The following IL24 variants were observed in gnomAD, a reference collection of about 807,000 sequenced individuals.
IL24 encodes the protein interleukin 24.
Under a neutral mutation model 27.6 loss-of-function variants are expected in IL24, and 24 were observed. That is an observed-to-expected ratio of 0.87 (90% CI 0.63 to 1.22). The LOEUF is 1.22. Among genes scored for constraint, IL24 ranks in the 50% most tolerant of loss-of-function variants. IL24 has a pLI of 0.00. For missense variants in IL24, 240 were observed against 237.0 expected (o/e 1.01, Z -0.08); for synonymous variants, 99 against 93.1 (o/e 1.06, Z -0.36).
rs779973016 is a variant in IL24, at chr1:206,903,033, T to G, written c.595T>G (p.Trp199Gly). 1 of 1,614,194 alleles carries G rather than the reference T, an allele frequency of 6.2e-7. No individual in the cohort carries two copies. Among genetic ancestry groups the G allele is most frequent in the Non-Finnish European group, 8.5e-7 (1 of 1,179,988 alleles). The change falls in exon 7 of 7, where the codon TGG becomes GGG. Residue 199 changes from tryptophan (W) to glycine (G), a missense_variant. Trp to Gly is a radical substitution (Grantham distance 184). Coordinates refer to ENST00000294984, the MANE Select transcript of IL24 (RefSeq NM_006850.3). ...ALGEVDILLT[W>G]MQKFYKL ...TGGGGAAGTGGACATTCTTCTGACC[T>G]GGATGCAGAAATTCTACAAGCTCTG...
At chr1:206,902,906 C>A in intron 6 of IL24, 70 bp from the exon 7 acceptor site, 1 of 1,611,718 alleles carries the variant, frequency 6.2e-7, no homozygotes, top group South Asian at 1.1e-5. Context: ...CTATTTTAGG[C>A]ATGGCAGGTT....
chr1:206,897,925 G>C (rs1218127788), intron 2 of IL24, 49 bp downstream of exon 2: 2 of 1,281,786 alleles, frequency 1.6e-6, no homozygotes, highest in Non-Finnish European at 2.2e-6. Flanking sequence ...GGCTGAGGTG[G>C]GCAGATCATT....
intron 6 of IL24, 131 bp downstream of exon 6, chr1:206,902,203 T>G: frequency 6.3e-6 from 9 of 1,430,040 alleles, no homozygotes; most frequent in Non-Finnish European, 8.2e-6. Context: ...CAAAGCCCCC[T>G]GACTTAGCAG....
intron 5 of IL24, 72 bp from the exon 6 acceptor site, chr1:206,901,926 G>T: frequency 6.7e-7 from 1 of 1,488,142 alleles, no homozygotes. Flanking sequence ...GGCATCAGCA[G>T]GAAAACTGAG....
chr1:206,903,043 A>G lies in IL24; in HGVS notation c.605A>G (p.Lys202Arg). 6.2e-7 allele frequency: 1 copy of G among 1,614,068 alleles called. No homozygotes were observed. Among genetic ancestry groups the G allele is most frequent in the Non-Finnish European group, 8.5e-7 (1 of 1,179,916 alleles). The stretch of plus-strand genomic sequence containing the variant: ...GACATTCTTCTGACCTGGATGCAGA[A>G]ATTCTACAAGCTCTGAATGTCTAGA... ...EVDILLTWMQ[K>R]FYKL The change falls in exon 7 of 7, where the codon AAA (lysine) becomes AGA (arginine). Residue 202 changes from lysine (K) to arginine (R), a missense_variant. Physicochemically the swap from Lys to Arg is conservative, Grantham distance 26. Coordinates refer to ENST00000294984, the MANE Select transcript of IL24 (RefSeq NM_006850.3).
intron 6 of IL24, 91 bp downstream of exon 6, chr1:206,902,163 G>A: frequency 6.4e-7 from 1 of 1,569,844 alleles, no homozygotes; most frequent in East Asian, 2.3e-5. Flanking sequence ...AATGCAGAAT[G>A]TAATGCAGGG....
At chr1:206,901,851 T>C in intron 5 of IL24, 147 bp from the exon 6 acceptor site, 1 of 875,446 alleles carries the variant, frequency 1.1e-6, no homozygotes, top group Non-Finnish European at 1.8e-6. Flanking sequence ...GGTGGGAGTT[T>C]GGTATTGGTT....
Position 206,903,022 on chromosome 1 carries a change from T to G in IL24, c.584T>G (p.Ile195Ser). 1 of 1,614,186 alleles carries G rather than the reference T, an allele frequency of 6.2e-7. No individual in the cohort carries two copies. Among genetic ancestry groups the G allele is most frequent in the Non-Finnish European group, 8.5e-7 (1 of 1,180,006 alleles). The change falls in exon 7 of 7, where the codon ATT (isoleucine) becomes AGT (serine). Residue 195 changes from isoleucine (I) to serine (S), a missense_variant. Coordinates refer to ENST00000294984, the MANE Select transcript of IL24 (RefSeq NM_006850.3). ...ACCAAAGCCCTTGGGGAAGTGGACATTCTTCTGACCTGGATGCAGAAATTC... is the reference window on the plus strand; with the variant it reads ...ACCAAAGCCCTTGGGGAAGTGGACAGTCTTCTGACCTGGATGCAGAAATTC... ...ALTKALGEVDILLTWMQKFYK... is the reference protein window; with the variant it reads ...ALTKALGEVDSLLTWMQKFYK...
At chr1:206,898,164 C>CAAAAAAA (rs59175256) in intron 2 of IL24, among the ~76,000 whole-genome samples, 1 of 100,028 alleles carries the variant, frequency 1.0e-5, no homozygotes, top group African/African-American at 3.8e-5. Flanking sequence ...GAAATTCTGT[C>CAAAAAAA]AAAAAAAAAA....
chr1:206,902,368 G>C, intron 6 of IL24: 1 of 985,354 alleles, frequency 1.0e-6, no homozygotes, highest in Non-Finnish European at 1.2e-6. Context: ...ACTGAAGTCA[G>C]AAGAGAGGGA....
intron 2 of IL24, 49 bp from the exon 3 acceptor site, chr1:206,899,270 CT>C: frequency 6.3e-7 from 1 of 1,583,744 alleles, no homozygotes; most frequent in Non-Finnish European, 8.6e-7. Context: ...GGGCATGTAA[CT>C]CTGGGTCAGA....
intron 6 of IL24, 65 bp from the exon 7 acceptor site, chr1:206,902,911 C>G (rs541585286): frequency 4.3e-6 from 7 of 1,612,044 alleles, no homozygotes; most frequent in Non-Finnish European, 5.9e-6. Context: ...TTAGGCATGG[C>G]AGGTTGGAAG....
chr1:206,899,286 C>T (rs768555453), intron 2 of IL24, 34 bp from the exon 3 acceptor site: 58 of 1,603,878 alleles, frequency 3.6e-5, no homozygotes, highest in South Asian at 7.8e-5. Flanking sequence ...GTCAGAGGGC[C>T]GGCCTCACAG....
chr1:206,902,101 T>A (rs748012828), intron 6 of IL24, 29 bp downstream of exon 6: 1 of 1,613,434 alleles, frequency 6.2e-7, no homozygotes, highest in Non-Finnish European at 8.5e-7. Context: ...AGCTTGCCCA[T>A]CCAGCAGAAT....
Position 206,903,727 on chromosome 1 carries a change from C to CT in IL24, c.*678dup, listed in dbSNP as rs377617111. 2.7e-4 allele frequency: 40 copies of CT among 149,170 alleles called. 1 individual carries two copies. In the East Asian group the frequency reaches 3.6e-3, roughly 14 times the overall value. The allele number at this position is 149,170 out of a possible 1,614,324, so 9.2% of individuals were successfully genotyped here. ...ATCATCCCTTTCCCTTGGTGCCCTC[C>CT]TTTTTTTTTTATCCTAGTCATTCTT... On this transcript the variant is annotated 3_prime_UTR_variant, in exon 7 of 7. Transcript: ENST00000294984.
chr1:206,898,554 A>C (rs1356754967), intron 2 of IL24, among the ~76,000 whole-genome samples: 2 of 152,142 alleles, frequency 1.3e-5, no homozygotes. Context: ...AATTCTCTGC[A>C]TCAGTTATAA....
chr1:206,897,904 G>T (rs3790615), intron 2 of IL24, 28 bp downstream of exon 2: 1 of 1,504,176 alleles, frequency 6.6e-7, no homozygotes, highest in South Asian at 1.2e-5. Flanking sequence ...TGTAATCCCA[G>T]AACTTTGGGA....
chr1:206,902,483 T>C, intron 6 of IL24: 2 of 983,314 alleles, frequency 2.0e-6, no homozygotes, highest in African/African-American at 1.8e-5. Flanking sequence ...TGGGAAATTA[T>C]TTTTGCTTTT....
chr1:206,902,749 T>G (rs1356893346), intron 6 of IL24: 1 of 985,270 alleles, frequency 1.0e-6, no homozygotes, highest in Non-Finnish European at 1.2e-6. Context: ...GTCTTTCCCT[T>G]GTTCTTTGTC....
Sources: allele counts gnomAD v4.1 joint callset (sites outside exome capture counted in the v4.1 genomes callset), GRCh38; gene constraint gnomAD v4.1.1; transcripts MANE v1.5; gene names NCBI Gene and HGNC (gene_info 2026-07-23, HGNC 2026-07-21).